The following SMS variants were observed in gnomAD, a reference collection of about 807,000 sequenced individuals.
SMS encodes the protein spermidine aminopropyltransferase.
SMS carries 3 observed loss-of-function variants against 33.0 expected under a neutral mutation model. That is an observed-to-expected ratio of 0.09 (90% CI 0.04 to 0.23). SMS has a LOEUF of 0.23. SMS is among the 10% of genes least tolerant of loss of function. The probability of loss-of-function intolerance (pLI) is 1.00; values close to 1 mark genes in which losing one functional copy is unlikely to be tolerated. For synonymous variants in SMS, 103 were observed against 112.2 expected, an observed-to-expected ratio of 0.92 and a Z score of 0.52; for missense variants, 117 against 288.6, an observed-to-expected ratio of 0.41 and a Z score of 4.31.
At chrX:21,975,584 T>G (rs918071856) in intron 4 of SMS, among the ~76,000 whole-genome samples, 1 of 111,280 alleles carries the variant, frequency 9.0e-6, no homozygotes, top group Non-Finnish European at 1.9e-5. Flanking sequence ...AGAGGCTTCC[T>G]CCAAGTCCTG....
Position 21,978,949 on chromosome X carries a change from A to G in SMS, c.733A>G (p.Lys245Glu), listed in dbSNP as rs1924719746. 4 of 1,176,729 alleles carry G rather than the reference A, an allele frequency of 3.4e-6. No homozygotes were observed. The highest frequency in any genetic ancestry group is 4.6e-6 in the Non-Finnish European group (4 of 863,439). The change falls in exon 7 of 11, where the codon AAA (lysine) becomes GAA (glutamate). Residue 245 changes from lysine to glutamate, a missense_variant. Transcript: ENST00000404933. ...GTGTGGCGATGTCTTAGACAATCTT[A>G]AAGGAGACTGCTATCAGGTAATTGT... ...KTCGDVLDNL[K>E]GDCYQVLIED...
At chrX:21,959,949 A>C (rs1243855941) in intron 1 of SMS, 2 of 751,797 alleles carry the variant, frequency 2.7e-6, no homozygotes, top group African/African-American at 4.6e-5. Context: ...GCCGGGTATA[A>C]GCCTGACCAA....
chrX:21,966,685 C>T (rs1207920997), intron 1 of SMS, among the ~76,000 whole-genome samples: 5 of 111,749 alleles, frequency 4.5e-5, no homozygotes, highest in African/African-American at 6.5e-5. Flanking sequence ...ATAAAAGCAG[C>T]ACATCCTTTT....
intron 1 of SMS, among the ~76,000 whole-genome samples, chrX:21,957,153 CTTT>C (rs111845628): frequency 1.3e-4 from 12 of 91,178 alleles, no homozygotes; most frequent in Admixed American, 3.6e-4. Flanking sequence ...AAACCAACTA[CTTT>C]TTTTTTTTTT....
chrX:21,985,275 T>C (rs774748588), intron 9 of SMS, 52 bp downstream of exon 9: 4 of 753,451 alleles, frequency 5.3e-6, no homozygotes, highest in Non-Finnish European at 8.3e-6. Context: ...CTTTCCTGTT[T>C]TGAAATCTGA....
chrX:21,948,599 T>C (rs1454363072), intron 1 of SMS, among the ~76,000 whole-genome samples: 1 of 111,100 alleles, frequency 9.0e-6, no homozygotes, highest in East Asian at 2.8e-4. Flanking sequence ...ATTAAAATGC[T>C]GTGTTCTCTA....
At chrX:21,986,698 G>C (rs771658208) in intron 9 of SMS, among the ~76,000 whole-genome samples, 1 of 112,562 alleles carries the variant, frequency 8.9e-6, no homozygotes, top group East Asian at 2.8e-4. Flanking sequence ...CAGACATGCT[G>C]TAGATGGATA....
chrX:21,977,306 C>A, intron 5 of SMS, 70 bp downstream of exon 5: 1 of 948,196 alleles, frequency 1.1e-6, no homozygotes. Flanking sequence ...GTTTTCCTGA[C>A]AATTACTACT....
chrX:21,987,723 A>G (rs1925447261), intron 9 of SMS, among the ~76,000 whole-genome samples: 1 of 112,650 alleles, frequency 8.9e-6, no homozygotes, highest in African/African-American at 3.2e-5. Flanking sequence ...TTGAACAAAA[A>G]GAGACTGAAA....
At chrX:21,950,608 C>A (rs756134061) in intron 1 of SMS, among the ~76,000 whole-genome samples, 1 of 107,963 alleles carries the variant, frequency 9.3e-6, no homozygotes, top group Non-Finnish European at 1.9e-5. Flanking sequence ...CCCCCCACCC[C>A]CTGACAGGCC....
chrX:21,980,071 G>A lies in SMS; in HGVS notation c.750+1105G>A, dbSNP rs989394157. Among the ~76,000 whole-genome samples the A allele has an allele frequency of 1.0e-4, 11 of 110,111 alleles. No homozygotes were observed. The East Asian group carries it at 3.1e-3, about 31-fold the overall frequency. On this transcript the variant is annotated intron_variant, in intron 7 of 10. Transcript: ENST00000404933. The stretch of plus-strand genomic sequence containing the variant: ...ACAAAATTTCCAAGTAAAATAATAA[G>A]CTAAATCTGGCAAATTAAGTCTATA...
intron 2 of SMS, among the ~76,000 whole-genome samples, chrX:21,968,556 G>T (rs1923902454): frequency 8.9e-6 from 1 of 111,822 alleles, no homozygotes; most frequent in Non-Finnish European, 1.9e-5. Context: ...GGAAGCTCCC[G>T]GGGGATGCTG....
chrX:21,967,868 C>T (rs1253075599), intron 2 of SMS, among the ~76,000 whole-genome samples: 2 of 112,233 alleles, frequency 1.8e-5, no homozygotes, highest in African/African-American at 6.5e-5. Context: ...AGGTCAACTC[C>T]CTGGAGTAAA....
At chrX:21,956,747 T>C (rs962116370) in intron 1 of SMS, among the ~76,000 whole-genome samples, 1 of 111,590 alleles carries the variant, frequency 9.0e-6, no homozygotes, top group Non-Finnish European at 1.9e-5. Flanking sequence ...GGATTACAGG[T>C]GTGAGCCACC....
In SMS at chrX:21,973,359, C is replaced by T. The variant is rs181237800; in HGVS notation, c.329+788C>T. Among the ~76,000 whole-genome samples, 6 of 112,428 alleles carry T rather than the reference C, an allele frequency of 5.3e-5. No homozygotes were observed. In the East Asian group the frequency reaches 1.7e-3, roughly 32 times the overall value. ...GGCTGAGGCAGGAGAATAGCTTGAA[C>T]CCGGGAAGCGGAGGTTGCAGTGAGC... On this transcript the variant is annotated intron_variant, in intron 4 of 10. Transcript: ENST00000404933.
chrX:21,993,590 A>C (rs1925899235), intron 10 of SMS, among the ~76,000 whole-genome samples: 1 of 111,958 alleles, frequency 8.9e-6, no homozygotes, highest in Admixed American at 9.4e-5. Flanking sequence ...GACGGGGCAA[A>C]CTGCCTGCTG....
chrX:21,958,948 C>A (rs1923156392), intron 1 of SMS, among the ~76,000 whole-genome samples: 1 of 113,034 alleles, frequency 8.8e-6, no homozygotes, highest in Admixed American at 9.3e-5. Context: ...GTACTTCGTT[C>A]CTTTTATGCC....
intron 1 of SMS, among the ~76,000 whole-genome samples, chrX:21,960,395 G>A (rs1199879249): frequency 1.3e-5 from 1 of 78,037 alleles, no homozygotes; most frequent in African/African-American, 7.3e-5. Context: ...TAAATCTTCT[G>A]TTCCTTTTTT....
intron 1 of SMS, among the ~76,000 whole-genome samples, chrX:21,961,030 ATG>A (rs1923303601): frequency 1.1e-5 from 1 of 90,021 alleles, no homozygotes; most frequent in African/African-American, 4.4e-5. Flanking sequence ...TATTATATGC[ATG>A]TCTTTTTTTT....
Sources: gnomAD v4.1 joint callset for allele counts (sites outside exome capture counted in the v4.1 genomes callset) on GRCh38, gnomAD v4.1.1 for gene constraint, MANE v1.5 for transcripts, NCBI Gene and HGNC (gene_info 2026-07-23, HGNC 2026-07-21) for gene names.